The following MYH15 variants were observed in gnomAD, a reference collection of about 807,000 sequenced individuals.
The protein encoded by MYH15 is myosin heavy chain 15, also known as myosin-15.
In MYH15, 227 loss-of-function variants were observed where a neutral mutation model predicts 240.5. The ratio of observed to expected loss-of-function variants is 0.94; its 90% confidence interval spans 0.85 to 1.05. The LOEUF (loss-of-function observed/expected upper bound fraction) is 1.05. Among genes scored for constraint, MYH15 ranks in the 50% least tolerant of loss-of-function variants. The pLI, the probability that MYH15 is intolerant of heterozygous loss-of-function variation, is 0.00. For missense variants in MYH15, 2,217 were observed against 2,247.5 expected (o/e 0.99, Z 0.27); for synonymous variants, 785 against 796.7 (o/e 0.99, Z 0.25).
At chr3:108,411,135 G>A (rs2082589860) in intron 30 of MYH15, among the ~76,000 whole-genome samples, 1 of 152,168 alleles carries the variant, frequency 6.6e-6, no homozygotes, top group African/African-American at 2.4e-5. Context: ...CTGTGTGCAT[G>A]GGGTCTTTAT....
chr3:108,456,942 T>C (rs1576244903), intron 18 of MYH15, 59 bp from the exon 19 acceptor site: 21 of 1,259,122 alleles, frequency 1.7e-5, no homozygotes, highest in Non-Finnish European at 2.3e-5. Flanking sequence ...TTGGGACAGA[T>C]TTTGAACCAA....
chr3:108,398,923 ATATATT>A, intron 34 of MYH15, 83 bp from the exon 35 acceptor site: 1 of 1,469,512 alleles, frequency 6.8e-7, no homozygotes, highest in South Asian at 1.1e-5. Context: ...TGATCTGACT[ATATATT>A]TAGACATAAG....
the MYH15 span, among the ~76,000 whole-genome samples, chr3:108,545,266 T>A: frequency 6.6e-6 from 1 of 152,174 alleles, no homozygotes; most frequent in Non-Finnish European, 1.5e-5. Context: ...ATTTAACCCC[T>A]AATCTCTCCA....
chr3:108,439,226 G>A (rs2082865919), intron 24 of MYH15, among the ~76,000 whole-genome samples: 1 of 152,176 alleles, frequency 6.6e-6, no homozygotes, highest in Admixed American at 6.5e-5. Context: ...GCATTTAGAG[G>A]CAAAATAGGG....
intron 30 of MYH15, among the ~76,000 whole-genome samples, chr3:108,411,371 C>T (rs552545275): frequency 6.6e-6 from 1 of 152,166 alleles, no homozygotes; most frequent in African/African-American, 2.4e-5. Flanking sequence ...CTAAAGAACA[C>T]TCTCTTGCTT....
the MYH15 span, among the ~76,000 whole-genome samples, chr3:108,538,162 T>C: frequency 1.3e-5 from 2 of 152,210 alleles, no homozygotes; most frequent in African/African-American, 4.8e-5. Flanking sequence ...TTGTGTATTG[T>C]GTGGGATCAT....
intron 37 of MYH15, 55 bp downstream of exon 37, chr3:108,391,705 C>T: frequency 6.4e-7 from 1 of 1,554,540 alleles, no homozygotes; most frequent in Non-Finnish European, 8.7e-7. Context: ...CATTCCAGGA[C>T]AAAGAGGTCT....
At chr3:108,431,974 A>G (rs914856308) in intron 25 of MYH15, among the ~76,000 whole-genome samples, 2 of 152,110 alleles carry the variant, frequency 1.3e-5, no homozygotes, top group Non-Finnish European at 2.9e-5. Flanking sequence ...AACTTCAGAG[A>G]TATGACTTAG....
intron 14 of MYH15, among the ~76,000 whole-genome samples, chr3:108,467,370 C>T (rs1348387940): frequency 6.6e-6 from 1 of 151,714 alleles, no homozygotes; most frequent in South Asian, 2.1e-4. Context: ...GAGGTGATAA[C>T]ACATAATGCC....
rs546341311 is a variant in MYH15 at position 108,528,707 on chromosome 3, G to T, written c.-58+556C>A. Among the ~76,000 whole-genome samples the T allele has an allele frequency of 1.3e-3, 192 of 152,282 alleles. 2 individuals are homozygous for T. Among genetic ancestry groups the T allele is most frequent in the South Asian group, 7.9e-3 (38 of 4,828 alleles). ...AGATAAGGAATTGAGGCTTGGAAAA[G>T]AGAGACGACTACACAAGGTCACAGT... On this transcript the variant is annotated intron_variant, in intron 1 of 41. Coordinates refer to the MYH15 transcript ENST00000273353.
At chr3:108,522,388 T>C (rs903190261) in intron 1 of MYH15, among the ~76,000 whole-genome samples, 1 of 152,074 alleles carries the variant, frequency 6.6e-6, no homozygotes, top group Non-Finnish European at 1.5e-5. Flanking sequence ...TGAGGCAGTG[T>C]TACTTCTTCT....
At chr3:108,454,212 T>C in intron 20 of MYH15, 70 bp from the exon 21 acceptor site, 1 of 1,408,476 alleles carries the variant, frequency 7.1e-7, no homozygotes, top group Non-Finnish European at 9.7e-7. Context: ...AATGATCCTG[T>C]GAGCAACTGT....
At chr3:108,463,536 G>A (rs1223046360) in intron 15 of MYH15, among the ~76,000 whole-genome samples, 2 of 151,896 alleles carry the variant, frequency 1.3e-5, no homozygotes, top group African/African-American at 4.8e-5. Flanking sequence ...GTTTCCACAT[G>A]TTGCTCGGTT....
chr3:108,498,009 T>TA, intron 6 of MYH15, 43 bp downstream of exon 6: 1 of 1,556,788 alleles, frequency 6.4e-7, no homozygotes, highest in Non-Finnish European at 8.9e-7. Context: ...ATCCAGTGGA[T>TA]AGGGCCACCT....
At chr3:108,384,867 T>C (rs2082370144) in intron 38 of MYH15, 85 bp from the exon 39 acceptor site, 3 of 1,183,936 alleles carry the variant, frequency 2.5e-6, no homozygotes, top group Non-Finnish European at 3.7e-6. Context: ...GAAATAAGGA[T>C]CAGGGAACTT....
intron 28 of MYH15, among the ~76,000 whole-genome samples, chr3:108,419,162 G>A (rs147614744): frequency 2.0e-5 from 3 of 152,282 alleles, no homozygotes; most frequent in Non-Finnish European, 4.4e-5. Context: ...TGAAAGCAGA[G>A]TATGGTAAGC....
rs1265168755 is a variant in MYH15 at position 108,500,234 on chromosome 3, T to C, written c.380A>G (p.Lys127Arg). 3.1e-6 allele frequency: 5 copies of C among 1,613,968 alleles called. No homozygotes were observed. The highest frequency in any genetic ancestry group is 2.2e-5 in the East Asian group (1 of 44,882). ...TTCTTTCTGATACACGGGAAGCCAT[T>C]TGTAAGGGTTTATGGTCACACAGAA... Reference protein sequence around the residue: ...GLFCVTINPYKWLPVYQKEVM... With the variant: ...GLFCVTINPYRWLPVYQKEVM... Residue 127 changes from lysine to arginine, a missense_variant, in exon 4 of 41, where the codon AAA becomes AGA. By Grantham distance (26) the Lys-to-Arg change is conservative (BLOSUM62 2). Coordinates refer to ENST00000693548, the MANE Select transcript of MYH15 (RefSeq NM_014981.3).
chr3:108,414,411 G>A lies in MYH15; in HGVS notation c.3966C>T (p.Ala1322=), dbSNP rs1349665349. 1.9e-6 allele frequency: 3 copies of A among 1,613,918 alleles called. No individual in the cohort carries two copies. Among genetic ancestry groups the A allele is most frequent in the Non-Finnish European group, 2.5e-6 (3 of 1,179,982 alleles). The change falls in exon 30 of 41, where the codon GCC becomes GCT. Residue 1322 remains alanine, a synonymous_variant. Transcript: ENST00000693548. ...EKETKSQSAL[A]HALQKAQRDC... ...CACGCTGAGCCTTCTGCAGGGCATG[G>A]GCCAGGGCACTCTGGGACTGTAGGG...
At chr3:108,416,763 A>T (rs556276672) in intron 29 of MYH15, 49 bp downstream of exon 29, 20 of 1,400,702 alleles carry the variant, frequency 1.4e-5, no homozygotes, top group African/African-American at 9.2e-5. Context: ...ATTTTTTAAA[A>T]AAAAAAACAC....
Sources: allele counts gnomAD v4.1 joint callset (sites outside exome capture counted in the v4.1 genomes callset), GRCh38; gene constraint gnomAD v4.1.1; transcripts MANE v1.5; gene names NCBI Gene and HGNC (gene_info 2026-07-23, HGNC 2026-07-21).